The following TRRAP variants were observed in gnomAD, a reference collection of about 807,000 sequenced individuals.
The protein encoded by TRRAP is transformation/transcription domain associated protein, also known as transformation/transcription domain-associated protein.
A neutral mutation model predicts 438.8 loss-of-function variants in TRRAP; 41 were observed. The observed-to-expected ratio is 0.09, with a 90% confidence interval of 0.07 to 0.12. TRRAP has a LOEUF of 0.12. Ranked by LOEUF, TRRAP falls within the 10% of genes least tolerant of loss-of-function variation. The pLI is 1.00. For missense variants in TRRAP, 3,122 were observed against 5,055.1 expected, an observed-to-expected ratio of 0.62 and a Z score of 11.60; for synonymous variants, 1,994 against 1,962.9, an observed-to-expected ratio of 1.02 and a Z score of -0.42.
intron 11 of TRRAP, among the ~76,000 whole-genome samples, chr7:98,901,804 C>T (rs1584286521): frequency 6.6e-6 from 1 of 152,212 alleles, no homozygotes; most frequent in African/African-American, 2.4e-5. Context: ...CCACCTCAGC[C>T]TCCCATGGTG....
intron 12 of TRRAP, among the ~76,000 whole-genome samples, 177 bp from the exon 13 acceptor site, chr7:98,905,995 CAGCAG>C (rs1395157353): frequency 6.6e-5 from 10 of 152,190 alleles, no homozygotes; most frequent in African/African-American, 2.4e-4. Context: ...TGGTGTGGCC[CAGCAG>C]AGCTGCTATG....
At chr7:98,881,668 C>T in intron 2 of TRRAP, 3 of 322,994 alleles carry the variant, frequency 9.3e-6, no homozygotes, top group East Asian at 5.3e-5. Flanking sequence ...AACTTTTATT[C>T]TCATTTTCCT....
chr7:98,884,375 C>T (rs1554403618), intron 3 of TRRAP, among the ~76,000 whole-genome samples: 1 of 152,102 alleles, frequency 6.6e-6, no homozygotes, highest in African/African-American at 2.4e-5. Context: ...GCTGGGACCA[C>T]AGGTGTGCAC....
chr7:98,910,950 A>AG, intron 16 of TRRAP, 127 bp from the exon 17 acceptor site: 1 of 739,074 alleles, frequency 1.4e-6, no homozygotes, highest in South Asian at 3.1e-5. Context: ...AAGGTTTTGG[A>AG]GGGGGACATT....
At chr7:98,965,654 C>T (rs1255463326) in intron 48 of TRRAP, 42 bp from the exon 49 acceptor site, 20 of 1,611,222 alleles carry the variant, frequency 1.2e-5, no homozygotes, top group Admixed American at 1.7e-5. Flanking sequence ...TTTAAATCAA[C>T]GTTTAGAGAC....
chr7:98,979,387 C>G (rs915491316), intron 58 of TRRAP, among the ~76,000 whole-genome samples: 1 of 152,176 alleles, frequency 6.6e-6, no homozygotes, highest in African/African-American at 2.4e-5. Context: ...AGGTTACTTA[C>G]AGTACCTAAT....
intron 53 of TRRAP, among the ~76,000 whole-genome samples, chr7:98,973,771 A>G (rs1792527686): frequency 6.6e-6 from 1 of 152,014 alleles, no homozygotes; most frequent in Non-Finnish European, 1.5e-5. Flanking sequence ...CACAGAGGAG[A>G]CCCTCGAACT....
At chr7:98,913,213 G>T (rs782480009) in intron 18 of TRRAP, among the ~76,000 whole-genome samples, 2 of 152,050 alleles carry the variant, frequency 1.3e-5, no homozygotes, top group African/African-American at 4.8e-5. Context: ...CAACTCAGAC[G>T]AAGCTGAACC....
chr7:98,984,280 T>C lies in TRRAP; in HGVS notation c.9210T>C (p.Asp3070=). The C allele has an allele frequency of 6.2e-7, 1 of 1,610,930 alleles. No individual in the cohort carries two copies. The highest frequency in any genetic ancestry group is 8.5e-7 in the Non-Finnish European group (1 of 1,178,680). ...CTATTCCAACTGTTCCTATCGTGGATTGCTTCCAGAAGATTCGACAGCAAG... is the reference window on the plus strand; with the variant it reads ...CTATTCCAACTGTTCCTATCGTGGACTGCTTCCAGAAGATTCGACAGCAAG... ...IHTIPTVPIV[D]CFQKIRQQVK... Residue 3070 remains aspartate (D), a synonymous_variant, in exon 61 of 73, where the codon GAT becomes GAC. Transcript: ENST00000456197.
intron 65 of TRRAP, 112 bp downstream of exon 65, chr7:98,992,339 C>A (rs759909724): frequency 3.6e-6 from 4 of 1,097,110 alleles, no homozygotes; most frequent in Non-Finnish European, 5.5e-6. Flanking sequence ...CACTCATAGC[C>A]GTGGCCAATC....
At position 98,976,395 on chromosome 7, in the gene TRRAP, A is replaced by G; in HGVS notation, c.7960-88A>G. 2 of 1,571,018 alleles carry G rather than the reference A, an allele frequency of 1.3e-6. No individual in the cohort carries two copies. Among genetic ancestry groups the G allele is most frequent in the South Asian group, 1.2e-5 (1 of 85,790 alleles). On this transcript the variant is annotated intron_variant, in intron 54 of 72. Transcript: ENST00000456197. This position sits in a 1 kb window ranked among gnomAD's most constrained non-coding sequence, Gnocchi z 4.6. ...GAACCGCTGGCTGTCACTCGAGCGAATTAGGAAAGGTATTCTTGCATCGAG... is the reference window on the plus strand; with the variant it reads ...GAACCGCTGGCTGTCACTCGAGCGAGTTAGGAAAGGTATTCTTGCATCGAG...
intron 3 of TRRAP, among the ~76,000 whole-genome samples, chr7:98,889,230 A>G (rs182154193): frequency 2.0e-5 from 3 of 152,100 alleles, no homozygotes; most frequent in African/African-American, 7.2e-5. Flanking sequence ...AAATGGAGAT[A>G]ATACCTATCT....
chr7:98,890,497 A>C (rs782234153), intron 4 of TRRAP, 52 bp downstream of exon 4: 35 of 1,329,670 alleles, frequency 2.6e-5, no homozygotes, highest in Non-Finnish European at 3.5e-5. Context: ...GATTGTGACC[A>C]GTTACGAATT....
intron 33 of TRRAP, among the ~76,000 whole-genome samples, chr7:98,946,410 G>A (rs540506047): frequency 1.3e-5 from 2 of 151,714 alleles, no homozygotes; most frequent in Admixed American, 6.6e-5. Flanking sequence ...TCCCTCTTGC[G>A]TGCACACACA....
intron 3 of TRRAP, 136 bp downstream of exon 3, chr7:98,882,160 C>G: frequency 2.6e-6 from 2 of 773,384 alleles, no homozygotes; most frequent in Non-Finnish European, 2.0e-6. Flanking sequence ...TATTTCGAAA[C>G]TGAAATCTGA....
chr7:98,999,609 G>C (rs1793826192), intron 67 of TRRAP: 2 of 793,036 alleles, frequency 2.5e-6, no homozygotes, highest in South Asian at 2.9e-5. Flanking sequence ...CTAAGTGCTT[G>C]CATAGAGCAG....
rs62472010 is a variant in TRRAP at position 98,897,675 on chromosome 7, T to C, written c.508-66T>C. ...AGCGTCTTTTTGTTTTGTTTTGTTT[T>C]GTTTTGTTTTTGAATGAATATTGGG... On this transcript the variant is annotated intron_variant, in intron 7 of 72. Coordinates refer to ENST00000456197, the MANE Select transcript of TRRAP (RefSeq NM_001375524.1). 8 of 1,434,710 alleles carry C rather than the reference T, an allele frequency of 5.6e-6. No individual in the cohort carries two copies. The African/African-American group carries it at 1.1e-4, about 20-fold the overall frequency. 88.9% of individuals were successfully genotyped at this position (1,434,710 alleles called of 1,614,324 possible). A position where few individuals can be genotyped will look rare whatever the true frequency, so the allele number is the denominator to read the frequency against.
Position 98,976,392 on chromosome 7 carries a change from C to G in TRRAP, c.7960-91C>G. 1 of 1,568,122 alleles carries G rather than the reference C, an allele frequency of 6.4e-7. No homozygotes were observed. Among genetic ancestry groups the G allele is most frequent in the Non-Finnish European group, 8.6e-7 (1 of 1,159,930 alleles). On this transcript the variant is annotated intron_variant, in intron 54 of 72. Transcript: ENST00000456197. The surrounding 1 kb of genome is among the most constrained non-coding windows in gnomAD (Gnocchi z 4.6). ...AGGGAACCGCTGGCTGTCACTCGAG[C>G]GAATTAGGAAAGGTATTCTTGCATC...
chr7:98,903,688 T>C (rs1343311245), intron 12 of TRRAP, among the ~76,000 whole-genome samples, 171 bp downstream of exon 12: 2 of 152,120 alleles, frequency 1.3e-5, no homozygotes, highest in African/African-American at 4.8e-5. Context: ...TGCCTCCCTG[T>C]ATTAGTCTGT....
Sources: gnomAD v4.1 joint callset for allele counts (sites outside exome capture counted in the v4.1 genomes callset) on GRCh38, gnomAD v4.1.1 for gene constraint, Gnocchi (gnomAD v3.1) non-coding constraint, MANE v1.5 for transcripts, NCBI Gene and HGNC (gene_info 2026-07-23, HGNC 2026-07-21) for gene names.